DCDC1: variants seen among roughly 807,000 people sequenced by gnomAD.
DCDC1 encodes the protein doublecortin domain containing 1, also known as doublecortin domain-containing protein 1.
A neutral mutation model predicts 178.3 loss-of-function variants in DCDC1; 200 were observed. The ratio of observed to expected loss-of-function variants is 1.12; its 90% CI spans 1.00 to 1.26. The LOEUF is 1.26. Among genes scored for constraint, DCDC1 ranks in the 50% most tolerant of loss-of-function variants. The pLI is 0.00. For synonymous variants in DCDC1, 690 were observed against 604.8 expected, an observed-to-expected ratio of 1.14 and a Z score of -2.07; for missense variants, 1,983 against 1,749.2, an observed-to-expected ratio of 1.13 and a Z score of -2.38.
At chr11:31,031,048 T>C (rs990933428) in intron 20 of DCDC1, among the ~76,000 whole-genome samples, 2 of 152,204 alleles carry the variant, frequency 1.3e-5, no homozygotes, top group African/African-American at 4.8e-5. Context: ...GATTACAAAT[T>C]GTAATTTCTG....
intron 9 of DCDC1, among the ~76,000 whole-genome samples, chr11:31,171,644 T>G (rs1967257421): frequency 6.6e-6 from 1 of 152,210 alleles, no homozygotes; most frequent in Non-Finnish European, 1.5e-5. Flanking sequence ...GATCATTATT[T>G]CCTTAATGAT....
At chr11:31,008,230 T>C (rs181465216) in intron 20 of DCDC1, among the ~76,000 whole-genome samples, 130 of 151,978 alleles carry the variant, frequency 8.6e-4, no homozygotes, top group Admixed American at 3.0e-3. Flanking sequence ...CATAAAACCT[T>C]AGGAAGGAAT....
In DCDC1 at chr11:31,335,545, G is replaced by T. The variant is rs1314385159; in HGVS notation, c.-105C>A. 6.6e-6 allele frequency: 1 copy of T among 152,218 alleles called. No homozygotes were observed. The allele number at this position is 152,218 out of a possible 1,614,324, so 9.4% of individuals were successfully genotyped here. ...ATTTGGCCATCTTGGAATGGAATCT[G>T]GAATTTTCTTATTTGCAATCTGGAA... On this transcript the variant is annotated 5_prime_UTR_variant, in exon 2 of 39. Coordinates refer to ENST00000684477, the MANE Select transcript of DCDC1 (RefSeq NM_001387274.1).
intron 22 of DCDC1, among the ~76,000 whole-genome samples, chr11:30,928,510 AAT>A (rs1946730804): frequency 2.4e-5 from 1 of 40,842 alleles, no homozygotes; most frequent in Admixed American, 2.7e-4. Context: ...TAAATTGTGA[AAT>A]ATGTTTTTTA....
intron 26 of DCDC1, 92 bp from the exon 27 acceptor site, chr11:30,915,803 G>A (rs1945790051): frequency 3.0e-6 from 4 of 1,343,124 alleles, no homozygotes; most frequent in Non-Finnish European, 4.1e-6. Flanking sequence ...TTCTGTTGGT[G>A]AGAGCTCCAA....
chr11:31,368,631 G>A (rs1200936744), intron 1 of DCDC1, among the ~76,000 whole-genome samples: 3 of 152,030 alleles, frequency 2.0e-5, no homozygotes, highest in Non-Finnish European at 4.4e-5. Flanking sequence ...ATTCTTTATA[G>A]TTCATAACAT....
rs117139005 is a variant in DCDC1, at chr11:31,329,379, G to T, written c.-6-1093C>A. On this transcript the variant is annotated intron_variant, in intron 2 of 38. Transcript: ENST00000684477. ...TTTCTTTCTTTGCTTAAGCTAGTTG[G>T]AGTCGGGATTTTCCATTTTTTTTTA... 7.0e-3 allele frequency among the ~76,000 whole-genome samples: 993 copies of T among 142,690 alleles called. 10 individuals carry two copies. The highest frequency in any genetic ancestry group is 0.012 in the Non-Finnish European group (741 of 62,912). 93.6% of individuals were successfully genotyped at this position (142,690 alleles called of 152,430 possible). A position where few individuals can be genotyped will look rare whatever the true frequency, so the allele number is the denominator to read the frequency against.
Position 31,305,775 on chromosome 11 carries a change from C to T in DCDC1, c.594G>A (p.Leu198=). 6.2e-7 allele frequency: 1 copy of T among 1,612,362 alleles called. No individual in the cohort carries two copies. Among genetic ancestry groups the T allele is most frequent in the Non-Finnish European group, 8.5e-7 (1 of 1,179,244 alleles). ...ARVTVPTITL[L]LEECTEKLNL... Reference sequence around the variant, plus strand: ...TCAGCTTTTCTGTGCACTCCTCCAGCAGCTAGAAGAAAGCAAGAGGTAAGT... The same window carrying T: ...TCAGCTTTTCTGTGCACTCCTCCAGTAGCTAGAAGAAAGCAAGAGGTAAGT... The change falls in exon 6 of 39, where the codon CTG becomes CTA. Residue 198 remains leucine, a splice_region_variant and synonymous_variant. Transcript: ENST00000684477.
chr11:31,160,023 TC>T (rs1966150992), intron 9 of DCDC1, among the ~76,000 whole-genome samples: 1 of 152,196 alleles, frequency 6.6e-6, no homozygotes. Context: ...AACTTTATTG[TC>T]ACTTTACTTT....
At chr11:30,907,740 G>A (rs948908684) in intron 29 of DCDC1, among the ~76,000 whole-genome samples, 31 of 152,164 alleles carry the variant, frequency 2.0e-4, no homozygotes, top group Non-Finnish European at 5.9e-5. Flanking sequence ...CCAGATGACT[G>A]TAGCCACATT....
intron 9 of DCDC1, among the ~76,000 whole-genome samples, chr11:31,177,296 G>A (rs1210129468): frequency 6.6e-6 from 1 of 151,322 alleles, no homozygotes; most frequent in Non-Finnish European, 1.5e-5. Context: ...TATAGCAAAT[G>A]GACAAATAAG....
intron 17 of DCDC1, among the ~76,000 whole-genome samples, chr11:31,080,322 A>T (rs1294068288): frequency 6.6e-6 from 1 of 152,204 alleles, no homozygotes; most frequent in South Asian, 2.1e-4. Context: ...TCAAAATCAC[A>T]GCACTAGTTA....
chr11:30,909,143 C>T, intron 28 of DCDC1, 27 bp from the exon 29 acceptor site: 1 of 1,587,396 alleles, frequency 6.3e-7, no homozygotes, highest in Non-Finnish European at 8.6e-7. Context: ...AATATGGAGT[C>T]AAGTGAGTTC....
At chr11:30,881,663 GA>G (rs1189312256) in intron 36 of DCDC1, among the ~76,000 whole-genome samples, 1 of 152,138 alleles carries the variant, frequency 6.6e-6, no homozygotes, top group Non-Finnish European at 1.5e-5. Context: ...CAAGGAACTT[GA>G]ATGACAAAAG....
intron 6 of DCDC1, among the ~76,000 whole-genome samples, chr11:31,295,280 A>T (rs529590668): frequency 1.4e-4 from 21 of 151,436 alleles, no homozygotes; most frequent in Non-Finnish European, 2.9e-4. Flanking sequence ...TTTTTTTCTG[A>T]GTATTTTTGA....
chr11:30,972,199 C>A (rs931052431), intron 20 of DCDC1, among the ~76,000 whole-genome samples: 3 of 152,052 alleles, frequency 2.0e-5, no homozygotes, highest in Non-Finnish European at 2.9e-5. Flanking sequence ...CTGGCAAAGT[C>A]AATAACAGAG....
At chr11:31,312,480 A>G (rs1430495850) in intron 3 of DCDC1, among the ~76,000 whole-genome samples, 1 of 152,212 alleles carries the variant, frequency 6.6e-6, no homozygotes, top group African/African-American at 2.4e-5. Flanking sequence ...TGTGTCTGTG[A>G]GGATGTTTCC....
At chr11:31,185,318 T>C (rs2136311669) in intron 9 of DCDC1, among the ~76,000 whole-genome samples, 1 of 152,220 alleles carries the variant, frequency 6.6e-6, no homozygotes, top group South Asian at 2.1e-4. Context: ...AGATGACGGG[T>C]TGATGGGTGT....
chr11:31,030,139 A>AC (rs1953523668), intron 20 of DCDC1, among the ~76,000 whole-genome samples: 1 of 150,714 alleles, frequency 6.6e-6, no homozygotes, highest in Non-Finnish European at 1.5e-5. Flanking sequence ...TATACAAATC[A>AC]TTTTTTTTTC....
Sources: allele counts gnomAD v4.1 joint callset (sites outside exome capture counted in the v4.1 genomes callset), GRCh38; gene constraint gnomAD v4.1.1; transcripts MANE v1.5; gene names NCBI Gene and HGNC (gene_info 2026-07-23, HGNC 2026-07-21).